ADCY7: variants seen among roughly 807,000 people sequenced by gnomAD.
The protein encoded by ADCY7 is adenylate cyclase 7, also known as adenylate cyclase type 7.
A neutral mutation model predicts 120.6 loss-of-function variants in ADCY7; 72 were observed. That is an observed-to-expected ratio of 0.60 (90% CI 0.49 to 0.73). The LOEUF (loss-of-function observed/expected upper bound fraction) is 0.73, where lower values mean the gene tolerates loss of function less well. Among genes scored for constraint, ADCY7 ranks in the 30% least tolerant of loss-of-function variants. The pLI is 0.00. For synonymous variants in ADCY7, 661 were observed against 628.0 expected, an observed-to-expected ratio of 1.05 and a Z score of -0.78; for missense variants, 1,227 against 1,486.0, an observed-to-expected ratio of 0.83 and a Z score of 2.87.
chr16:50,297,902 G>A lies in ADCY7; in HGVS notation c.949-1002G>A, dbSNP rs1451440964. Among the ~76,000 whole-genome samples the A allele has an allele frequency of 6.6e-6, 1 of 152,162 alleles. No individual in the cohort carries two copies. Among genetic ancestry groups the A allele is most frequent in the Non-Finnish European group, 1.5e-5 (1 of 68,018 alleles). On this transcript the variant is annotated intron_variant, in intron 7 of 25. Coordinates refer to ENST00000673801, the MANE Select transcript of ADCY7 (RefSeq NM_001114.5). The surrounding 1 kb of genome is among the most constrained non-coding windows in gnomAD (Gnocchi z 4.4). ...AGAGGGTGGGGAGGGGAGAGCAGAG[G>A]CAGATGGCGCTCCTTCTTCAGCTCC...
chr16:50,294,590 T>C (rs1482289197), intron 6 of ADCY7, 50 bp from the exon 7 acceptor site: 2 of 1,218,896 alleles, frequency 1.6e-6, no homozygotes, highest in Non-Finnish European at 2.4e-6. Context: ...CTGCTGCTGC[T>C]GTCTAGGAGC....
upstream of ADCY7, among the ~76,000 whole-genome samples, chr16:50,245,439 GCCCCT>G (rs1455651788): frequency 2.0e-5 from 3 of 152,096 alleles, no homozygotes; most frequent in Non-Finnish European, 4.4e-5. Flanking sequence ...GACCTCCTCT[GCCCCT>G]CCCAGGGTGA....
chr16:50,273,658 A>G (rs2033703799), intron 1 of ADCY7, among the ~76,000 whole-genome samples: 2 of 152,220 alleles, frequency 1.3e-5, no homozygotes, highest in South Asian at 2.1e-4. Context: ...CATGGAGCGA[A>G]GAGAAGGGTT....
At chr16:50,289,042 T>A (rs2034767550) in intron 2 of ADCY7, among the ~76,000 whole-genome samples, 1 of 152,214 alleles carries the variant, frequency 6.6e-6, no homozygotes. Context: ...TACTCTCATT[T>A]TTCTCCATGA....
Position 50,290,461 on chromosome 16 carries a change from C to T in ADCY7, c.176C>T (p.Pro59Leu). ...LIIIAFSQGDPSRHQAILGMA... is the reference protein window; with the variant it reads ...LIIIAFSQGDLSRHQAILGMA... Reference sequence around the variant, plus strand: ...CTGTCTGTTTGCTCCACCCAGGACCCCTCCAGACACCAGGCCATTCTGGGC... The same window carrying T: ...CTGTCTGTTTGCTCCACCCAGGACCTCTCCAGACACCAGGCCATTCTGGGC... The change falls in exon 3 of 26, where the codon CCC becomes CTC. Residue 59 changes from proline (P) to leucine (L), a missense_variant. Pro to Leu is a moderately conservative substitution (Grantham distance 98, BLOSUM62 -3). Transcript: ENST00000673801. 5 of 1,614,184 alleles carry T rather than the reference C, an allele frequency of 3.1e-6. No individual in the cohort carries two copies. Among genetic ancestry groups the T allele is most frequent in the Non-Finnish European group, 4.2e-6 (5 of 1,180,036 alleles).
intron 1 of ADCY7, among the ~76,000 whole-genome samples, chr16:50,267,560 G>A (rs1319554877): frequency 6.6e-6 from 1 of 152,166 alleles, no homozygotes; most frequent in African/African-American, 2.4e-5. Flanking sequence ...GTGACCGTGG[G>A]CCTTCACTAG....
intron 1 of ADCY7, among the ~76,000 whole-genome samples, chr16:50,277,780 C>T (rs2033992657): frequency 6.6e-6 from 1 of 150,802 alleles, no homozygotes; most frequent in Admixed American, 6.6e-5. Flanking sequence ...ACGCCATTAT[C>T]CTGCCTCAGC....
intron 1 of ADCY7, among the ~76,000 whole-genome samples, chr16:50,282,313 C>T (rs954450982): frequency 6.6e-6 from 1 of 152,246 alleles, no homozygotes; most frequent in Non-Finnish European, 1.5e-5. Flanking sequence ...ATTTTCCGAG[C>T]ACCCAGGGAC....
intron 1 of ADCY7, among the ~76,000 whole-genome samples, chr16:50,279,964 A>C (rs1373843780): frequency 6.6e-6 from 1 of 152,084 alleles, no homozygotes; most frequent in Non-Finnish European, 1.5e-5. Flanking sequence ...TCATAGAATG[A>C]GTTAGGGAGG....
intron 14 of ADCY7, 35 bp downstream of exon 14, chr16:50,305,884 CG>C: frequency 6.2e-7 from 1 of 1,605,504 alleles, no homozygotes; most frequent in Non-Finnish European, 8.5e-7. Context: ...CGCAGAGGGA[CG>C]GGGTCTCCAG....
In ADCY7 at chr16:50,305,433, G is replaced by A. The variant is rs546875560; in HGVS notation, c.1596-70G>A. The A allele has an allele frequency of 1.8e-4, 249 of 1,407,698 alleles. No individual in the cohort carries two copies. In the African/African-American group the frequency reaches 3.0e-3, roughly 17 times the overall value. 87.2% of individuals were successfully genotyped at this position (1,407,698 alleles called of 1,614,324 possible). A position where few individuals can be genotyped will look rare whatever the true frequency, so the allele number is the denominator to read the frequency against. The stretch of plus-strand genomic sequence containing the variant: ...GTTCTGGGACCCCACTGGTGTCTAC[G>A]TCCACACCCTCCTCTGGGAGAGTTG... On this transcript the variant is annotated intron_variant, in intron 12 of 25. Transcript: ENST00000673801.
intron 1 of ADCY7, among the ~76,000 whole-genome samples, chr16:50,278,872 CTCTTTT>C (rs1373600219): frequency 1.0e-5 from 1 of 96,518 alleles, no homozygotes; most frequent in East Asian, 2.5e-4. Context: ...CTCTCTCTCT[CTCTTTT>C]TTTTTTTTTT....
Position 50,309,657 on chromosome 16 carries a change from C to T in ADCY7, c.2160+11C>T, listed in dbSNP as rs780269553. On this transcript the variant is annotated intron_variant, in intron 18 of 25. Transcript: ENST00000673801. Reference sequence around the variant, plus strand: ...TGTGAGCCCCTCCCGGTGAGTGCGCCGGGCCCGGCTCCGTGGCCTCATTCA... The same window carrying T: ...TGTGAGCCCCTCCCGGTGAGTGCGCTGGGCCCGGCTCCGTGGCCTCATTCA... 42 of 1,605,734 alleles carry T rather than the reference C, an allele frequency of 2.6e-5. No homozygotes were observed. Among genetic ancestry groups the T allele is most frequent in the South Asian group, 1.4e-4 (13 of 90,936 alleles).
chr16:50,307,995 C>CAAAAAAA (rs34191947), intron 15 of ADCY7, among the ~76,000 whole-genome samples: 2 of 64,908 alleles, frequency 3.1e-5, no homozygotes, highest in African/African-American at 6.8e-5. Flanking sequence ...GACTCCATCT[C>CAAAAAAA]AAAAAAAAAA....
intron 1 of ADCY7, among the ~76,000 whole-genome samples, chr16:50,246,765 A>T (rs1477344153): frequency 6.6e-6 from 1 of 152,222 alleles, no homozygotes; most frequent in Non-Finnish European, 1.5e-5. Flanking sequence ...CCCAACCGGG[A>T]AACCCAGATG....
upstream of ADCY7, among the ~76,000 whole-genome samples, chr16:50,261,702 G>A (rs1475511126): frequency 6.6e-6 from 1 of 151,902 alleles, no homozygotes. Context: ...GAGCCACCAG[G>A]GTCCCCTAGC....
At chr16:50,302,395 G>A (rs2035788025) in intron 10 of ADCY7, among the ~76,000 whole-genome samples, 1 of 152,168 alleles carries the variant, frequency 6.6e-6, no homozygotes, top group South Asian at 2.1e-4. Context: ...TCCTCACCCA[G>A]GAGGCTCCAA....
chr16:50,316,624 C>T lies in ADCY7; in HGVS notation c.*1119C>T, dbSNP rs1410254415. On this transcript the variant is annotated 3_prime_UTR_variant, in exon 26 of 26. Coordinates refer to ENST00000673801, the MANE Select transcript of ADCY7 (RefSeq NM_001114.5). ...CCTGGATCTGGGAAGCCCGCCCCCT[C>T]ACAAATGCTGAGCCGTTCTTGCTCT... 6.6e-6 allele frequency: 1 copy of T among 152,392 alleles called. No individual in the cohort carries two copies. The highest frequency in any genetic ancestry group is 1.5e-5 in the Non-Finnish European group (1 of 68,098). The allele number at this position is 152,392 out of a possible 1,614,324, so 9.4% of individuals were successfully genotyped here.
chr16:50,282,089 T>C (rs2034308188), intron 1 of ADCY7, among the ~76,000 whole-genome samples: 1 of 152,176 alleles, frequency 6.6e-6, no homozygotes, highest in Non-Finnish European at 1.5e-5. Context: ...AGGTCCCCAC[T>C]TCCCCTTTTT....
Sources: gnomAD v4.1 joint callset for allele counts (sites outside exome capture counted in the v4.1 genomes callset) on GRCh38, gnomAD v4.1.1 for gene constraint, Gnocchi (gnomAD v3.1) non-coding constraint, MANE v1.5 for transcripts, NCBI Gene and HGNC (gene_info 2026-07-23, HGNC 2026-07-21) for gene names.